Variants in CFDP1 observed in about 807,000 individuals in gnomAD.
CFDP1 encodes the protein chromatin remodeling protein CFDP1.
CFDP1 carries 31 observed loss-of-function variants against 40.1 expected under a neutral mutation model. The observed-to-expected ratio is 0.77, with a 90% confidence interval of 0.58 to 1.04. The LOEUF is 1.04. CFDP1 is among the 50% of genes least tolerant of loss of function. The pLI is 0.00. For missense variants in CFDP1, 423 were observed against 343.4 expected (o/e 1.23, Z -1.83); for synonymous variants, 167 against 120.0 (o/e 1.39, Z -2.56).
At chr16:75,332,671 G>C (rs958349241) in intron 5 of CFDP1, among the ~76,000 whole-genome samples, 3 of 150,408 alleles carry the variant, frequency 2.0e-5, no homozygotes, top group African/African-American at 7.3e-5. Flanking sequence ...CCCTGTCTTG[G>C]GGAAGGAGAA....
intron 5 of CFDP1, among the ~76,000 whole-genome samples, chr16:75,336,633 C>T (rs984944250): frequency 6.6e-6 from 1 of 152,200 alleles, no homozygotes; most frequent in East Asian, 1.9e-4. Context: ...GGATCATTCC[C>T]GATCAGCACA....
At chr16:75,347,193 A>T (rs559306147) in intron 5 of CFDP1, among the ~76,000 whole-genome samples, 22 of 151,700 alleles carry the variant, frequency 1.5e-4, no homozygotes, top group Admixed American at 1.2e-3. Context: ...AAGTACAAAA[A>T]GTCAGCTGGG....
At chr16:75,411,057 A>T (rs1248204681) in intron 4 of CFDP1, among the ~76,000 whole-genome samples, 1 of 152,062 alleles carries the variant, frequency 6.6e-6, no homozygotes, top group Non-Finnish European at 1.5e-5. Context: ...CATCTCTACT[A>T]AAAACACAAA....
intron 5 of CFDP1, chr16:75,379,740 G>T (rs975411148): frequency 1.3e-5 from 2 of 152,086 alleles, no homozygotes; most frequent in African/African-American, 2.4e-5. Flanking sequence ...GTACCATAGG[G>T]GGAAACTGGG....
intron 5 of CFDP1, among the ~76,000 whole-genome samples, chr16:75,386,676 G>C (rs535606502): frequency 3.3e-4 from 51 of 152,280 alleles, no homozygotes; most frequent in Non-Finnish European, 6.5e-4. Context: ...AGTGAGCCGA[G>C]ATCCCGACAC....
intron 6 of CFDP1, among the ~76,000 whole-genome samples, chr16:75,298,030 T>G (rs67836283): frequency 0.076 from 11,641 of 152,246 alleles, 450 homozygotes; most frequent in Middle Eastern, 0.13. Flanking sequence ...ACCTGATATC[T>G]TTGCTTTCTG....
intron 5 of CFDP1, among the ~76,000 whole-genome samples, chr16:75,362,198 A>T (rs2078684343): frequency 6.6e-6 from 1 of 152,208 alleles, no homozygotes; most frequent in South Asian, 2.1e-4. Flanking sequence ...CTTCAAGGCC[A>T]GGCAAAAAAT....
intron 6 of CFDP1, among the ~76,000 whole-genome samples, chr16:75,296,083 G>A (rs74024763): frequency 0.017 from 2,662 of 152,262 alleles, 74 homozygotes; most frequent in African/African-American, 0.06. Context: ...AAAAAAGAGA[G>A]GTGAGCCTCA....
At chr16:75,327,646 C>T (rs1260080694) in intron 5 of CFDP1, among the ~76,000 whole-genome samples, 1 of 152,010 alleles carries the variant, frequency 6.6e-6, no homozygotes, top group African/African-American at 2.4e-5. Context: ...CACACATATA[C>T]ATGAAAGGGA....
intron 5 of CFDP1, among the ~76,000 whole-genome samples, chr16:75,328,841 G>C (rs907079582): frequency 6.7e-6 from 1 of 148,948 alleles, no homozygotes; most frequent in African/African-American, 2.5e-5. Flanking sequence ...ACCATGCTCA[G>C]CGAATTTTTT....
chr16:75,403,834 C>G (rs1742405923), intron 4 of CFDP1, among the ~76,000 whole-genome samples: 1 of 152,036 alleles, frequency 6.6e-6, no homozygotes, highest in South Asian at 2.1e-4. Context: ...TTCATATCAT[C>G]AATAATTATT....
chr16:75,359,682 C>T (rs927753509), intron 5 of CFDP1, among the ~76,000 whole-genome samples: 1 of 152,160 alleles, frequency 6.6e-6, no homozygotes, highest in African/African-American at 2.4e-5. Flanking sequence ...TGCCCACCTT[C>T]TATCAGATTC....
At chr16:75,369,646 T>A (rs1012811759) in intron 5 of CFDP1, among the ~76,000 whole-genome samples, 1 of 152,250 alleles carries the variant, frequency 6.6e-6, no homozygotes, top group Non-Finnish European at 1.5e-5. Context: ...GAAAACTAAG[T>A]AAGACCAGAT....
At chr16:75,408,196 T>A (rs1478085189) in intron 4 of CFDP1, among the ~76,000 whole-genome samples, 1 of 152,016 alleles carries the variant, frequency 6.6e-6, no homozygotes, top group African/African-American at 2.4e-5. Flanking sequence ...TTTATCCAGA[T>A]TCATTGCAGA....
intron 1 of CFDP1, among the ~76,000 whole-genome samples, chr16:75,418,060 T>C (rs2079228745): frequency 6.6e-6 from 1 of 151,600 alleles, no homozygotes; most frequent in African/African-American, 2.4e-5. Context: ...TCGAGACCAG[T>C]CTGGCCAACA....
chr16:75,307,808 C>T (rs1404061111), intron 5 of CFDP1, among the ~76,000 whole-genome samples: 1 of 152,166 alleles, frequency 6.6e-6, no homozygotes, highest in Admixed American at 6.5e-5. Context: ...AATCCTCCTG[C>T]CTTGGCCTCC....
At chr16:75,373,137 C>T (rs2078766304) in intron 5 of CFDP1, among the ~76,000 whole-genome samples, 1 of 152,160 alleles carries the variant, frequency 6.6e-6, no homozygotes, top group Non-Finnish European at 1.5e-5. Flanking sequence ...CCTCCTTCCC[C>T]TAAAAGCTAC....
rs183647549 is a variant in CFDP1, at chr16:75,421,403, T to C, written c.65-6708A>G. Among the ~76,000 whole-genome samples, 9 of 152,250 alleles carry C rather than the reference T, an allele frequency of 5.9e-5. 1 individual carries two copies. Among genetic ancestry groups the C allele is most frequent in the Admixed American group, 3.9e-4 (6 of 15,274 alleles). On this transcript the variant is annotated intron_variant, in intron 1 of 6. Transcript: ENST00000283882. ...TAAGAGATAAGAAAATTTTAAATTA[T>C]ACATACAAAACCCCCCAAAACCTCA...
At chr16:75,427,248 A>G (rs1018479835) in intron 1 of CFDP1, among the ~76,000 whole-genome samples, 5 of 151,930 alleles carry the variant, frequency 3.3e-5, no homozygotes, top group Admixed American at 1.3e-4. Context: ...GAAATTAGCT[A>G]ATTTTTTTTC....
Sources: allele counts gnomAD v4.1 joint callset (sites outside exome capture counted in the v4.1 genomes callset), GRCh38; gene constraint gnomAD v4.1.1; transcripts MANE v1.5; gene names NCBI Gene and HGNC (gene_info 2026-07-23, HGNC 2026-07-21).